Variants in IPO9 observed in about 807,000 individuals in gnomAD.
The protein encoded by IPO9 is importin-9.
Under a neutral mutation model 128.6 loss-of-function variants are expected in IPO9, and 28 were observed. The observed-to-expected ratio is 0.22, with a 90% CI of 0.16 to 0.30. IPO9 has a LOEUF of 0.30. IPO9 is among the 10% of genes least tolerant of loss of function. IPO9 has a pLI of 1.00. For synonymous variants in IPO9, 455 were observed against 475.8 expected (o/e 0.96, Z 0.57); for missense variants, 935 against 1,293.9 (o/e 0.72, Z 4.26).
At chr1:201,874,458 C>G in intron 21 of IPO9, 86 bp downstream of exon 21, 1 of 1,483,990 alleles carries the variant, frequency 6.7e-7, no homozygotes, top group African/African-American at 1.4e-5. Flanking sequence ...TTTGTTGAGT[C>G]ACTAATTGAA....
chr1:201,852,230 G>T (rs375614513), intron 5 of IPO9, 38 bp downstream of exon 5: 11 of 1,315,884 alleles, frequency 8.4e-6, no homozygotes, highest in African/African-American at 1.5e-5. Flanking sequence ...GTGAGTTCAG[G>T]CTCTCTTCAG....
At chr1:201,868,592 A>G (rs1227519075) in intron 15 of IPO9, 56 bp from the exon 16 acceptor site, 20 of 1,561,738 alleles carry the variant, frequency 1.3e-5, no homozygotes, top group Non-Finnish European at 1.7e-5. Context: ...TCATTAAGCG[A>G]GAAGCAGATG....
In IPO9 at chr1:201,832,585, A is replaced by G. The variant is rs549854884; in HGVS notation, c.163+3213A>G. On this transcript the variant is annotated intron_variant, in intron 1 of 23. Transcript: ENST00000361565. The stretch of plus-strand genomic sequence containing the variant: ...GAAACACTCTTAAAACTTGAAGTTA[A>G]TGAGAAATCTGGGATTTGGTGTCTA... 4.6e-5 allele frequency among the ~76,000 whole-genome samples: 7 copies of G among 152,382 alleles called. No individual in the cohort carries two copies. The East Asian group carries it at 7.7e-4, about 17-fold the overall frequency.
At chr1:201,854,498 A>G in intron 6 of IPO9, 97 bp from the exon 7 acceptor site, 1 of 1,462,118 alleles carries the variant, frequency 6.8e-7, no homozygotes, top group Non-Finnish European at 9.3e-7. Flanking sequence ...GCCTGAAGAG[A>G]GCTTTAGGTG....
At chr1:201,838,921 CT>C (rs386354520) in intron 1 of IPO9, among the ~76,000 whole-genome samples, 39,917 of 142,474 alleles carry the variant, frequency 0.28, 5,336 homozygotes, top group Non-Finnish European at 0.33. Flanking sequence ...TTAGAGGAAA[CT>C]TTTTTTTTTT....
intron 19 of IPO9, 82 bp downstream of exon 19, chr1:201,871,409 G>C (rs12756688): frequency 1.5e-6 from 1 of 665,622 alleles, no homozygotes; most frequent in South Asian, 2.3e-5. Context: ...TTTTTTTTGA[G>C]ACAGTCTCGC....
chr1:201,829,328 GGGC>G lies in IPO9; in HGVS notation c.123_125del (p.Ala43del), dbSNP rs1158621595. 1 of 1,591,878 alleles carries G rather than the reference GGGC, an allele frequency of 6.3e-7. No individual in the cohort carries two copies. Among genetic ancestry groups the G allele is most frequent in the Non-Finnish European group, 8.5e-7 (1 of 1,170,422 alleles). On this transcript the variant is annotated inframe_deletion, in exon 1 of 24. Transcript: ENST00000361565. ...ATCCTATCCCCAGTACAGGAGGTGC[GGGC>G]GGCTGCTGAAGAACAGATTAAGGTG...
At chr1:201,839,453 C>T (rs187703377) in intron 1 of IPO9, among the ~76,000 whole-genome samples, 17 of 147,170 alleles carry the variant, frequency 1.2e-4, no homozygotes, top group East Asian at 2.2e-4. Flanking sequence ...CCCAACTACT[C>T]GGGAGGCTGA....
chr1:201,871,376 CTTTTTTTTT>C (rs556986429), intron 19 of IPO9, 49 bp downstream of exon 19: 186 of 149,238 alleles, frequency 1.2e-3, no homozygotes, highest in South Asian at 5.9e-3. Context: ...ACTCATATTT[CTTTTTTTTT>C]TTTTTTTTTT....
At chr1:201,871,019 A>G (rs1047336440) in intron 18 of IPO9, 142 bp from the exon 19 acceptor site, 1 of 1,269,980 alleles carries the variant, frequency 7.9e-7, no homozygotes, top group African/African-American at 1.5e-5. Flanking sequence ...AAACATGGAC[A>G]AGGAAATCTC....
chr1:201,872,254 T>G, intron 19 of IPO9, among the ~76,000 whole-genome samples: 1 of 152,016 alleles, frequency 6.6e-6, no homozygotes, highest in East Asian at 1.9e-4. Flanking sequence ...TAACCCTGGC[T>G]TCCTAACTTT....
Position 201,847,651 on chromosome 1 carries a change from C to T in IPO9, c.312+13C>T, listed in dbSNP as rs766004088. The T allele has an allele frequency of 1.9e-6, 3 of 1,566,936 alleles. No individual in the cohort carries two copies. The highest frequency in any genetic ancestry group is 2.7e-5 in the African/African-American group (2 of 73,832). On this transcript the variant is annotated intron_variant, in intron 3 of 23. Transcript: ENST00000361565. ...AACTACAGAAAGGGTAAGTCAGTTA[C>T]TTGATTAGTCTACCTGAGGAGATTT...
intron 1 of IPO9, among the ~76,000 whole-genome samples, chr1:201,832,685 C>T (rs927559654): frequency 4.6e-5 from 7 of 152,228 alleles, no homozygotes; most frequent in Admixed American, 3.3e-4. Flanking sequence ...ACAACCAGAT[C>T]TAGTCCTCCC....
In IPO9 at chr1:201,872,885, A is replaced by G. The variant is rs1680680508; in HGVS notation, c.2634A>G (p.Leu878=). 2 of 1,614,046 alleles carry G rather than the reference A, an allele frequency of 1.2e-6. No individual in the cohort carries two copies. The highest frequency in any genetic ancestry group is 1.3e-5 in the African/African-American group (1 of 75,032). Residue 878 remains leucine, a synonymous_variant, in exon 20 of 24, where the codon CTA becomes CTG. Transcript: ENST00000361565. Reference sequence around the variant, plus strand: ...GCATCAATGCAGATGACAAACGGCTACAGGATATCCGTGTGAAGGGAGAGG... The same window carrying G: ...GCATCAATGCAGATGACAAACGGCTGCAGGATATCCGTGTGAAGGGAGAGG... The part of the protein sequence containing the change: ...QHGINADDKR[L]QDIRVKGEEI...
intron 1 of IPO9, among the ~76,000 whole-genome samples, chr1:201,836,837 G>C (rs1361505671): frequency 6.6e-6 from 1 of 151,992 alleles, no homozygotes; most frequent in Non-Finnish European, 1.5e-5. Context: ...TTGGACATGT[G>C]GTCATAATTT....
At chr1:201,846,052 G>A (rs1481550824) in intron 1 of IPO9, among the ~76,000 whole-genome samples, 1 of 152,196 alleles carries the variant, frequency 6.6e-6, no homozygotes, top group Non-Finnish European at 1.5e-5. Flanking sequence ...ACACTGCAGT[G>A]AGCTATTACT....
Position 201,883,002 on chromosome 1 carries a change from C to G in IPO9, c.*6948C>G, listed in dbSNP as rs1197725165. The G allele has an allele frequency of 6.6e-6, 1 of 152,534 alleles. No homozygotes were observed. Among genetic ancestry groups the G allele is most frequent in the East Asian group, 1.9e-4 (1 of 5,188 alleles). The allele number at this position is 152,534 out of a possible 1,614,324, so 9.4% of individuals were successfully genotyped here. A position where few individuals can be genotyped will look rare whatever the true frequency, so the allele number is the denominator to read the frequency against. On this transcript the variant is annotated 3_prime_UTR_variant, in exon 24 of 24. Coordinates refer to ENST00000361565, the MANE Select transcript of IPO9 (RefSeq NM_018085.5). Reference sequence around the variant, plus strand: ...GCTGCTAAATTAGGGTCTTGGTGAGCCTTTGGGAGGACAGCTCTGAGGAAT... The same window carrying G: ...GCTGCTAAATTAGGGTCTTGGTGAGGCTTTGGGAGGACAGCTCTGAGGAAT...
At chr1:201,853,260 G>A (rs1369716035) in intron 6 of IPO9, among the ~76,000 whole-genome samples, 163 bp downstream of exon 6, 1 of 152,048 alleles carries the variant, frequency 6.6e-6, no homozygotes, top group African/African-American at 2.4e-5. Context: ...TCCAGACAGG[G>A]TCTTGCTCTG....
chr1:201,848,572 T>C lies in IPO9; in HGVS notation c.492T>C (p.His164=). The stretch of plus-strand genomic sequence containing the variant: ...TGAGCGGAGACTTAAATGCCGTCCA[T>C]GGAGCCATGCGTGTGCTGACAGGTA... ...MLVSGDLNAV[H]GAMRVLTEFT... is the part of the protein sequence containing the mutation. The change falls in exon 4 of 24, where the codon CAT becomes CAC. Residue 164 remains histidine, a synonymous_variant. Transcript: ENST00000361565. 1 of 1,614,010 alleles carries C rather than the reference T, an allele frequency of 6.2e-7. No individual in the cohort carries two copies. Among genetic ancestry groups the C allele is most frequent in the Non-Finnish European group, 8.5e-7 (1 of 1,179,996 alleles).
Sources: gnomAD v4.1 joint callset for allele counts (sites outside exome capture counted in the v4.1 genomes callset) on GRCh38, gnomAD v4.1.1 for gene constraint, MANE v1.5 for transcripts, NCBI Gene and HGNC (gene_info 2026-07-23, HGNC 2026-07-21) for gene names.